RELN: variants seen among roughly 807,000 people sequenced by gnomAD.
RELN encodes the protein reelin.
A neutral mutation model predicts 427.6 loss-of-function variants in RELN; 108 were observed. The observed-to-expected ratio is 0.25, with a 90% CI of 0.22 to 0.30. The LOEUF (loss-of-function observed/expected upper bound fraction) is 0.30, where lower values mean the gene tolerates loss of function less well. RELN is among the 10% of genes least tolerant of loss of function. The pLI, the probability that RELN is intolerant of heterozygous loss-of-function variation, is 1.00. For synonymous variants in RELN, 1,524 were observed against 1,513.4 expected (o/e 1.01, Z -0.16); for missense variants, 3,715 against 4,302.8 (o/e 0.86, Z 3.82).
Position 103,514,765 on chromosome 7 carries a change from C to T in RELN, c.8119+420G>A, listed in dbSNP as rs149451104. On this transcript the variant is annotated intron_variant, in intron 50 of 64. Transcript: ENST00000428762. ...GCAAGACCTGGGACATGACCTAAGA[C>T]ATGAAATGCCATTACAAATGTGTCT... 3.3e-5 allele frequency among the ~76,000 whole-genome samples: 5 copies of T among 152,280 alleles called. No individual in the cohort carries two copies. The East Asian group carries it at 9.7e-4, about 29-fold the overall frequency.
chr7:103,875,899 C>T (rs1033820664), intron 2 of RELN, among the ~76,000 whole-genome samples: 8 of 151,994 alleles, frequency 5.3e-5, no homozygotes, highest in African/African-American at 1.9e-4. Context: ...ATTCAAGAGG[C>T]TTAGGGCATA....
At chr7:103,638,441 A>G (rs1832628973) in intron 17 of RELN, among the ~76,000 whole-genome samples, 1 of 152,250 alleles carries the variant, frequency 6.6e-6, no homozygotes, top group African/African-American at 2.4e-5. Flanking sequence ...GATAGCAAAT[A>G]GCAGTAAAAC....
chr7:103,964,326 T>C (rs1352247512), intron 1 of RELN, among the ~76,000 whole-genome samples: 1 of 152,180 alleles, frequency 6.6e-6, no homozygotes, highest in Non-Finnish European at 1.5e-5. Context: ...AAATGATTAA[T>C]TTCCTAATAG....
At chr7:103,933,583 T>C (rs1795911703) in intron 1 of RELN, among the ~76,000 whole-genome samples, 1 of 151,994 alleles carries the variant, frequency 6.6e-6, no homozygotes, top group African/African-American at 2.4e-5. Context: ...GGCCTTTCTA[T>C]GCTGTATCCT....
Position 103,594,387 on chromosome 7 carries a change from A to T in RELN, c.3645T>A (p.Asp1215Glu). ...SGEDYDQWAV[D>E]DIIILSEKQK... ...GCTTCTCGGACAGAATGATGATGTC[A>T]TCGACTGCCCACTGGTCATAGTCCT... The change falls in exon 26 of 65, where the codon GAT becomes GAA. Residue 1215 changes from aspartate to glutamate, a missense_variant. Coordinates refer to ENST00000428762, the MANE Select transcript of RELN (RefSeq NM_005045.4). The T allele has an allele frequency of 6.2e-7, 1 of 1,614,084 alleles. No homozygotes were observed. The highest frequency in any genetic ancestry group is 1.3e-5 in the African/African-American group (1 of 75,056).
At chr7:103,971,408 CTTTAAAAATAAGT>C (rs1237692621) in intron 1 of RELN, among the ~76,000 whole-genome samples, 3 of 151,968 alleles carry the variant, frequency 2.0e-5, no homozygotes, top group Non-Finnish European at 4.4e-5. Flanking sequence ...AAAGAGAAAA[CTTTAAAAATAAGT>C]AAAGGATTTA....
intron 2 of RELN, among the ~76,000 whole-genome samples, chr7:103,854,814 T>A (rs913880663): frequency 3.9e-5 from 6 of 152,196 alleles, no homozygotes; most frequent in African/African-American, 1.4e-4. Flanking sequence ...GGAATTGTAA[T>A]CTAGCCTGAA....
chr7:103,957,360 C>T (rs1796454482), intron 1 of RELN, among the ~76,000 whole-genome samples: 1 of 152,104 alleles, frequency 6.6e-6, no homozygotes, highest in Non-Finnish European at 1.5e-5. Flanking sequence ...AAATAAGAGC[C>T]CTGAACTGTA....
chr7:103,500,683 G>A, intron 53 of RELN, 62 bp downstream of exon 53: 7 of 1,542,884 alleles, frequency 4.5e-6, no homozygotes, highest in Admixed American at 1.7e-5. Flanking sequence ...TCATACATAA[G>A]TTGGTTCCTA....
At chr7:103,710,235 G>T (rs1789760665) in intron 8 of RELN, among the ~76,000 whole-genome samples, 1 of 152,184 alleles carries the variant, frequency 6.6e-6, no homozygotes, top group African/African-American at 2.4e-5. Flanking sequence ...TTAAGATCCT[G>T]TCTCCATTTG....
At chr7:103,871,361 T>C (rs1794330209) in intron 2 of RELN, among the ~76,000 whole-genome samples, 1 of 152,134 alleles carries the variant, frequency 6.6e-6, no homozygotes, top group South Asian at 2.1e-4. Flanking sequence ...AGATCACAAA[T>C]AAATACTAGC....
intron 6 of RELN, among the ~76,000 whole-genome samples, chr7:103,730,000 A>C (rs1320002134): frequency 2.0e-5 from 3 of 152,124 alleles, no homozygotes; most frequent in Non-Finnish European, 4.4e-5. Context: ...TTGTGATAAA[A>C]GTACAGTGAA....
intron 3 of RELN, among the ~76,000 whole-genome samples, chr7:103,789,365 C>T (rs1792100539): frequency 6.6e-6 from 1 of 152,154 alleles, no homozygotes; most frequent in Non-Finnish European, 1.5e-5. Context: ...TAAAGAGCTT[C>T]TGTAGAGCAA....
chr7:103,982,743 T>A (rs900685414), intron 1 of RELN, among the ~76,000 whole-genome samples: 2 of 152,234 alleles, frequency 1.3e-5, no homozygotes, highest in Non-Finnish European at 2.9e-5. Flanking sequence ...CCTTTTCAGG[T>A]CACTTGGTTT....
In RELN at chr7:103,675,668, T is replaced by C. The variant is rs191305793; in HGVS notation, c.1289+6448A>G. 9.0e-3 allele frequency among the ~76,000 whole-genome samples: 1,371 copies of C among 152,264 alleles called. 22 individuals carry two copies. Among genetic ancestry groups the C allele is most frequent in the African/African-American group, 0.031 (1,295 of 41,510 alleles). On this transcript the variant is annotated intron_variant, in intron 11 of 64. Transcript: ENST00000428762. ...CAAGGCTGCAGTAACCAAAACAGCATGGTACTGGTACCAAAACAGAGATAT... is the reference window on the plus strand; with the variant it reads ...CAAGGCTGCAGTAACCAAAACAGCACGGTACTGGTACCAAAACAGAGATAT...
chr7:103,862,449 A>G (rs941595374), intron 2 of RELN, among the ~76,000 whole-genome samples: 16 of 148,950 alleles, frequency 1.1e-4, no homozygotes, highest in Admixed American at 2.7e-4. Flanking sequence ...CTATCTATCT[A>G]TCTATCTATC....
At chr7:103,923,436 T>C (rs536460937) in intron 1 of RELN, among the ~76,000 whole-genome samples, 1 of 151,446 alleles carries the variant, frequency 6.6e-6, no homozygotes, top group Non-Finnish European at 1.5e-5. Flanking sequence ...ATTTCAATAA[T>C]AGCATTCCCA....
intron 3 of RELN, among the ~76,000 whole-genome samples, chr7:103,776,898 G>A (rs1032882348): frequency 6.6e-6 from 1 of 152,116 alleles, no homozygotes; most frequent in African/African-American, 2.4e-5. Flanking sequence ...AAAGCCTATA[G>A]AATAAAAAGT....
chr7:103,944,189 TAAAG>T (rs1005040272), intron 1 of RELN, among the ~76,000 whole-genome samples: 2 of 152,082 alleles, frequency 1.3e-5, no homozygotes, highest in Admixed American at 1.3e-4. Context: ...TTCTTATTAA[TAAAG>T]AAATTAATTA....
Sources: allele counts gnomAD v4.1 joint callset (sites outside exome capture counted in the v4.1 genomes callset), GRCh38; gene constraint gnomAD v4.1.1; transcripts MANE v1.5; gene names NCBI Gene and HGNC (gene_info 2026-07-23, HGNC 2026-07-21).